The following FGGY variants were observed in gnomAD, a reference collection of about 807,000 sequenced individuals.
FGGY encodes FGGY carbohydrate kinase domain containing.
Under a neutral mutation model 71.3 loss-of-function variants are expected in FGGY, and 72 were observed. The observed-to-expected ratio is 1.01, with a 90% CI of 0.84 to 1.23. The LOEUF (loss-of-function observed/expected upper bound fraction) is 1.23. Ranked by LOEUF, FGGY falls within the 50% of genes most tolerant of loss-of-function variation. The pLI, the probability that FGGY is intolerant of heterozygous loss-of-function variation, is 0.00. For missense variants in FGGY, 668 were observed against 682.3 expected, an observed-to-expected ratio of 0.98 and a Z score of 0.23; for synonymous variants, 251 against 250.3, an observed-to-expected ratio of 1.00 and a Z score of -0.02.
intron 8 of FGGY, among the ~76,000 whole-genome samples, chr1:59,590,081 C>T (rs543773922): frequency 1.4e-4 from 22 of 151,968 alleles, no homozygotes; most frequent in Middle Eastern, 3.4e-3. Context: ...ATCAAATAGA[C>T]GCAATAAAAA....
intron 1 of FGGY, among the ~76,000 whole-genome samples, chr1:59,310,684 T>G (rs1220203212): frequency 6.6e-6 from 1 of 152,190 alleles, no homozygotes; most frequent in East Asian, 1.9e-4. Flanking sequence ...ACTCTGTTGA[T>G]TCACTTGTCG....
At chr1:59,498,332 A>G (rs182658623) in intron 6 of FGGY, among the ~76,000 whole-genome samples, 20 of 152,288 alleles carry the variant, frequency 1.3e-4, no homozygotes, top group Admixed American at 1.0e-3. Context: ...CATCCAATAC[A>G]TAATGCCTTT....
chr1:59,684,506 C>T (rs946562771), intron 14 of FGGY, among the ~76,000 whole-genome samples: 1 of 152,164 alleles, frequency 6.6e-6, no homozygotes, highest in African/African-American at 2.4e-5. Context: ...CATAGTGCCT[C>T]CTCTGAAAGC....
intron 8 of FGGY, among the ~76,000 whole-genome samples, chr1:59,588,566 G>A (rs1160430644): frequency 6.6e-6 from 1 of 152,188 alleles, no homozygotes; most frequent in Non-Finnish European, 1.5e-5. Flanking sequence ...ACAAAGGGAA[G>A]CCCATCAGAC....
chr1:59,437,629 G>A (rs530245198), intron 5 of FGGY, among the ~76,000 whole-genome samples: 1 of 152,200 alleles, frequency 6.6e-6, no homozygotes, highest in Admixed American at 6.5e-5. Flanking sequence ...AATGCAGCTC[G>A]CTCTGGAGAT....
At chr1:59,495,436 G>GT (rs1431707030) in intron 6 of FGGY, among the ~76,000 whole-genome samples, 1 of 151,872 alleles carries the variant, frequency 6.6e-6, no homozygotes, top group Non-Finnish European at 1.5e-5. Context: ...TATTTCCTAG[G>GT]TTTTCTTCTA....
chr1:59,585,891 C>T (rs572513412), intron 8 of FGGY, among the ~76,000 whole-genome samples: 87 of 152,302 alleles, frequency 5.7e-4, no homozygotes, highest in Non-Finnish European at 9.0e-4. Flanking sequence ...GACATTTATG[C>T]AGCCAAAAGG....
At chr1:59,532,353 A>G (rs563390796) in intron 7 of FGGY, among the ~76,000 whole-genome samples, 19 of 152,350 alleles carry the variant, frequency 1.2e-4, no homozygotes, top group African/African-American at 4.6e-4. Flanking sequence ...ACAAACAAGT[A>G]TGAGATATAT....
intron 9 of FGGY, among the ~76,000 whole-genome samples, chr1:59,611,547 G>GA (rs1003107085): frequency 6.6e-6 from 1 of 152,136 alleles, no homozygotes; most frequent in African/African-American, 2.4e-5. Flanking sequence ...CAAAGATGGG[G>GA]AAAAAACAGA....
At chr1:59,567,757 G>A (rs955413275) in intron 8 of FGGY, among the ~76,000 whole-genome samples, 1 of 151,028 alleles carries the variant, frequency 6.6e-6, no homozygotes, top group Non-Finnish European at 1.5e-5. Context: ...AAATTGCTTG[G>A]ACCTGTTTAT....
At chr1:59,454,839 G>A (rs1171266035) in intron 5 of FGGY, among the ~76,000 whole-genome samples, 1 of 152,142 alleles carries the variant, frequency 6.6e-6, no homozygotes, top group Non-Finnish European at 1.5e-5. Flanking sequence ...CTGGTTTCCT[G>A]GATCCTAGTA....
intron 9 of FGGY, among the ~76,000 whole-genome samples, chr1:59,619,221 G>A (rs2096785761): frequency 6.6e-6 from 1 of 152,032 alleles, no homozygotes; most frequent in African/African-American, 2.4e-5. Context: ...TTGAGGTACT[G>A]TTCTGAGTGA....
chr1:59,406,896 AC>A lies in FGGY; in HGVS notation c.554+28061del, dbSNP rs762471759. ...ATATCACATGATACACGATTCTGCA[AC>A]CTGTCTTTTAACTTATCAATTGTGT... On this transcript the variant is annotated intron_variant, in intron 5 of 15. Transcript: ENST00000303721. Among the ~76,000 whole-genome samples, 19 of 152,190 alleles carry A rather than the reference AC, an allele frequency of 1.2e-4. No individual in the cohort carries two copies. The South Asian group carries it at 1.5e-3, about 12-fold the overall frequency.
intron 8 of FGGY, among the ~76,000 whole-genome samples, chr1:59,567,512 T>C (rs1330963603): frequency 1.3e-5 from 2 of 152,208 alleles, no homozygotes; most frequent in African/African-American, 2.4e-5. Context: ...CAGGTACTAT[T>C]TGACATACAG....
intron 14 of FGGY, among the ~76,000 whole-genome samples, chr1:59,750,697 G>A (rs1286767412): frequency 6.6e-6 from 1 of 152,106 alleles, no homozygotes; most frequent in Non-Finnish European, 1.5e-5. Context: ...TGTGTCAAAA[G>A]GAAAAGAAAG....
In FGGY at chr1:59,612,275, C is replaced by G. The variant is rs552947384; in HGVS notation, c.1011+4365C>G. On this transcript the variant is annotated intron_variant, in intron 9 of 15. Coordinates refer to ENST00000303721, the MANE Select transcript of FGGY (RefSeq NM_018291.5). ...GGTTGGGTTACCCACAAAAGGAAGCCCATCAGACTAACAGCTGATCTCTCG... is the reference window on the plus strand; with the variant it reads ...GGTTGGGTTACCCACAAAAGGAAGCGCATCAGACTAACAGCTGATCTCTCG... Among the ~76,000 whole-genome samples, 332 of 152,346 alleles carry G rather than the reference C, an allele frequency of 2.2e-3. 1 individual carries two copies. The highest frequency in any genetic ancestry group is 3.6e-3 in the Non-Finnish European group (246 of 68,038).
At chr1:59,741,978 C>A (rs2098153580) in intron 14 of FGGY, among the ~76,000 whole-genome samples, 1 of 149,636 alleles carries the variant, frequency 6.7e-6, no homozygotes, top group Admixed American at 6.6e-5. Context: ...GTGGTGCATA[C>A]ATGTAGTCCC....
intron 5 of FGGY, among the ~76,000 whole-genome samples, chr1:59,421,282 A>G (rs1211476183): frequency 1.3e-5 from 2 of 152,242 alleles, no homozygotes; most frequent in East Asian, 3.8e-4. Flanking sequence ...ATATATCAAT[A>G]CAGAATGGCT....
chr1:59,592,115 G>T (rs953752111), intron 8 of FGGY, among the ~76,000 whole-genome samples: 1 of 152,132 alleles, frequency 6.6e-6, no homozygotes, highest in African/African-American at 2.4e-5. Flanking sequence ...CCATCAAAAA[G>T]TGGGCAAAGG....
Sources: allele counts gnomAD v4.1 joint callset (sites outside exome capture counted in the v4.1 genomes callset), GRCh38; gene constraint gnomAD v4.1.1; transcripts MANE v1.5; gene names NCBI Gene and HGNC (gene_info 2026-07-23, HGNC 2026-07-21).